Variants in CCDC91 observed in about 807,000 individuals in gnomAD.
CCDC91 encodes coiled-coil domain-containing protein 91.
A neutral mutation model predicts 63.2 loss-of-function variants in CCDC91; 48 were observed. That is an observed-to-expected ratio of 0.76 (90% CI 0.60 to 0.97). The LOEUF is 0.97. Ranked by LOEUF, CCDC91 falls within the 50% of genes least tolerant of loss-of-function variation. The probability of loss-of-function intolerance (pLI) is 0.00; values close to 1 mark genes in which losing one functional copy is unlikely to be tolerated. For synonymous variants in CCDC91, 167 were observed against 165.8 expected (o/e 1.01, Z -0.06); for missense variants, 500 against 494.6 (o/e 1.01, Z -0.10).
intron 1 of CCDC91, among the ~76,000 whole-genome samples, chr12:28,227,063 A>G (rs1241681756): frequency 1.3e-5 from 2 of 152,132 alleles, no homozygotes; most frequent in African/African-American, 4.8e-5. Context: ...TGCCATTTTT[A>G]TCACATTGTA....
At chr12:28,500,509 T>G (rs777595164) in intron 12 of CCDC91, among the ~76,000 whole-genome samples, 7 of 151,972 alleles carry the variant, frequency 4.6e-5, no homozygotes, top group Middle Eastern at 3.4e-3. Context: ...ATACATCATC[T>G]TCTTTGCTTC....
At chr12:28,366,391 A>G (rs890899060) in intron 7 of CCDC91, among the ~76,000 whole-genome samples, 3 of 152,208 alleles carry the variant, frequency 2.0e-5, no homozygotes, top group Non-Finnish European at 4.4e-5. Context: ...TTCTCTAACC[A>G]AAAGCCTCCA....
intron 12 of CCDC91, among the ~76,000 whole-genome samples, chr12:28,506,918 A>C (rs1438150580): frequency 6.6e-6 from 1 of 151,912 alleles, no homozygotes; most frequent in East Asian, 1.9e-4. Context: ...GATAGATCAA[A>C]TCTACCAGTA....
intron 3 of CCDC91, among the ~76,000 whole-genome samples, chr12:28,299,428 C>A (rs936904232): frequency 7.9e-5 from 12 of 151,436 alleles, no homozygotes; most frequent in African/African-American, 2.7e-4. Context: ...TAGTTCTTAC[C>A]CCTCCCTCTC....
intron 12 of CCDC91, among the ~76,000 whole-genome samples, chr12:28,486,719 T>G (rs910908847): frequency 3.3e-5 from 5 of 152,104 alleles, no homozygotes; most frequent in Admixed American, 1.3e-4. Context: ...TTAGTCTGTG[T>G]GTTCTTGCAA....
rs191283564 is a variant in CCDC91, at chr12:28,525,345, T to A, written c.1216-23718T>A. Among the ~76,000 whole-genome samples, 31 of 152,274 alleles carry A rather than the reference T, an allele frequency of 2.0e-4. 1 individual carries two copies. The East Asian group carries it at 3.9e-3, about 19-fold the overall frequency. On this transcript the variant is annotated intron_variant, in intron 12 of 12. Coordinates refer to ENST00000536442, the MANE Select transcript of CCDC91 (RefSeq NM_018318.5). Reference sequence around the variant, plus strand: ...AAGAGTTTTTAATTTCCATCATGATTTCATTGTTAGCCCAATGATCATTCG... The same window carrying A: ...AAGAGTTTTTAATTTCCATCATGATATCATTGTTAGCCCAATGATCATTCG...
At chr12:28,407,958 A>G (rs1912783) in intron 8 of CCDC91, among the ~76,000 whole-genome samples, 1 of 105,160 alleles carries the variant, frequency 9.5e-6, no homozygotes, top group Non-Finnish European at 2.2e-5. Context: ...ATACATATAT[A>G]TATATATTTT....
intron 12 of CCDC91, among the ~76,000 whole-genome samples, chr12:28,501,025 C>T (rs1937768874): frequency 6.6e-6 from 1 of 151,566 alleles, no homozygotes; most frequent in African/African-American, 2.4e-5. Flanking sequence ...GAGTTACCAC[C>T]ATTTGCTGAA....
intron 8 of CCDC91, among the ~76,000 whole-genome samples, chr12:28,392,698 C>G (rs1946026400): frequency 1.3e-5 from 2 of 152,190 alleles, no homozygotes; most frequent in African/African-American, 4.8e-5. Context: ...CTCTATCTCA[C>G]AGGCAAATTA....
intron 8 of CCDC91, among the ~76,000 whole-genome samples, chr12:28,403,717 C>T (rs1158941479): frequency 6.6e-6 from 1 of 152,082 alleles, no homozygotes; most frequent in Non-Finnish European, 1.5e-5. Context: ...TAGATATAGG[C>T]CTACTCAGAT....
At chr12:28,304,943 C>G (rs865874214) in intron 3 of CCDC91, among the ~76,000 whole-genome samples, 1 of 152,060 alleles carries the variant, frequency 6.6e-6, no homozygotes, top group Non-Finnish European at 1.5e-5. Flanking sequence ...GAGCTCTAAT[C>G]ACAATCTATT....
At chr12:28,420,291 A>C (rs547006179) in intron 8 of CCDC91, among the ~76,000 whole-genome samples, 1 of 152,160 alleles carries the variant, frequency 6.6e-6, no homozygotes, top group Non-Finnish European at 1.5e-5. Context: ...AAATTTTTCT[A>C]TGGCTTGAAA....
chr12:28,256,124 TA>T (rs1946424483), intron 1 of CCDC91: 1 of 152,166 alleles, frequency 6.6e-6, no homozygotes, highest in East Asian at 1.9e-4. Context: ...CATTGCTTTT[TA>T]AATTAACTTT....
At chr12:28,303,252 G>A (rs1354906651) in intron 3 of CCDC91, among the ~76,000 whole-genome samples, 8 of 152,094 alleles carry the variant, frequency 5.3e-5, no homozygotes, top group Non-Finnish European at 1.0e-4. Context: ...GTTATGAACT[G>A]TTGAAGAATT....
At chr12:28,268,825 T>C in intron 3 of CCDC91, 1 of 182,334 alleles carries the variant, frequency 5.5e-6, no homozygotes, top group Non-Finnish European at 1.0e-5. Context: ...TGACCTCAAG[T>C]GTCTGGTATG....
chr12:28,288,271 T>C (rs1028013472), intron 3 of CCDC91, among the ~76,000 whole-genome samples: 1 of 152,236 alleles, frequency 6.6e-6, no homozygotes, highest in African/African-American at 2.4e-5. Context: ...GGCATCCTTG[T>C]CTTTTGCTGG....
chr12:28,257,445 C>A (rs539919862), intron 2 of CCDC91, among the ~76,000 whole-genome samples, 200 bp downstream of exon 2: 1 of 151,706 alleles, frequency 6.6e-6, no homozygotes, highest in Non-Finnish European at 1.5e-5. Flanking sequence ...TATTATAGAA[C>A]ATTTGGACTT....
At chr12:28,519,078 G>A (rs1397109969) in intron 12 of CCDC91, among the ~76,000 whole-genome samples, 1 of 151,858 alleles carries the variant, frequency 6.6e-6, no homozygotes, top group East Asian at 1.9e-4. Flanking sequence ...TTCTAATTCT[G>A]TGAAGAATGT....
chr12:28,316,535 T>G (rs1291193672), intron 6 of CCDC91, among the ~76,000 whole-genome samples: 1 of 149,124 alleles, frequency 6.7e-6, no homozygotes, highest in East Asian at 1.9e-4. Context: ...TTATTTATTT[T>G]TACTTTCAGC....
Sources: allele counts gnomAD v4.1 joint callset (sites outside exome capture counted in the v4.1 genomes callset), GRCh38; gene constraint gnomAD v4.1.1; transcripts MANE v1.5; gene names NCBI Gene and HGNC (gene_info 2026-07-23, HGNC 2026-07-21).